Variants in TPGS2 observed in about 807,000 individuals in gnomAD.
TPGS2 encodes polyglutamylase subunit 2.
In TPGS2, 26 loss-of-function variants were observed where a neutral mutation model predicts 31.1. The ratio of observed to expected loss-of-function variants is 0.84; its 90% CI spans 0.61 to 1.16. The LOEUF (loss-of-function observed/expected upper bound fraction) is 1.16, where lower values mean the gene tolerates loss of function less well. Ranked by LOEUF, TPGS2 falls within the 50% of genes most tolerant of loss-of-function variation. TPGS2 has a pLI of 0.00. For synonymous variants in TPGS2, 130 were observed against 136.6 expected (o/e 0.95, Z 0.34); for missense variants, 351 against 363.8 (o/e 0.96, Z 0.29).
intron 2 of TPGS2, chr18:36,818,538 T>C (rs1020870762): frequency 5.8e-6 from 1 of 171,822 alleles, no homozygotes; most frequent in Admixed American, 6.1e-5. Flanking sequence ...AAGCATTAGC[T>C]TTTAATCTGC....
At chr18:36,798,153 T>A (rs1269767169) in intron 6 of TPGS2, 1 of 1,188,986 alleles carries the variant, frequency 8.4e-7, no homozygotes, top group South Asian at 2.6e-5. Flanking sequence ...CCTGGGTGCA[T>A]GTACTGCCAA....
chr18:36,828,664 C>T lies in TPGS2; in HGVS notation c.85+19G>A, dbSNP rs754901687. The T allele has an allele frequency of 1.2e-6, 2 of 1,613,834 alleles. No homozygotes were observed. Among genetic ancestry groups the T allele is most frequent in the Non-Finnish European group, 1.7e-6 (2 of 1,179,756 alleles). ...CCTTCTCCTCCACACCCTCTCGGCACCGTGCCCCCTTTCCTCACCTAGGAT... is the reference window on the plus strand; with the variant it reads ...CCTTCTCCTCCACACCCTCTCGGCATCGTGCCCCCTTTCCTCACCTAGGAT... On this transcript the variant is annotated intron_variant, in intron 1 of 6. Coordinates refer to ENST00000334295, the MANE Select transcript of TPGS2 (RefSeq NM_015476.4).
chr18:36,821,566 G>C (rs1160558775), intron 1 of TPGS2, among the ~76,000 whole-genome samples: 1 of 152,240 alleles, frequency 6.6e-6, no homozygotes, highest in Non-Finnish European at 1.5e-5. Context: ...TAATGCTAGA[G>C]ATTAGGAATT....
chr18:36,783,233 A>G, intron 6 of TPGS2: 1 of 388,804 alleles, frequency 2.6e-6, no homozygotes, highest in Non-Finnish European at 4.5e-6. Context: ...TCTTGATGCC[A>G]CTCATTCTGA....
intron 1 of TPGS2, 104 bp downstream of exon 1, chr18:36,828,579 T>A: frequency 7.7e-7 from 1 of 1,290,754 alleles, no homozygotes; most frequent in African/African-American, 1.5e-5. Context: ...CGATGTCCAC[T>A]CCTGTTCTGG....
rs536890554 is a variant in TPGS2, at chr18:36,810,192, G to A, written c.166-2258C>T. 5.3e-5 allele frequency among the ~76,000 whole-genome samples: 8 copies of A among 152,308 alleles called. No individual in the cohort carries two copies. In the East Asian group the frequency reaches 1.5e-3, roughly 29 times the overall value. On this transcript the variant is annotated intron_variant, in intron 2 of 6. Transcript: ENST00000334295. ...CACCCCTGGGGCAGTTGCTGGGCCT[G>A]CAGTTCTCCAGCCTTCCTACTGCAT... is the stretch of plus-strand genomic sequence containing the variant.
Position 36,794,549 on chromosome 18 carries a change from A to T in TPGS2, c.*2256T>A, listed in dbSNP as rs1468460297. 1 of 985,222 alleles carries T rather than the reference A, an allele frequency of 1.0e-6. No individual in the cohort carries two copies. The highest frequency in any genetic ancestry group is 1.2e-6 in the Non-Finnish European group (1 of 829,924). The allele number at this position is 985,222 out of a possible 1,614,324, so 61.0% of individuals were successfully genotyped here. Reference sequence around the variant, plus strand: ...ATCTGCTGCAGTGGAAGATGACATAACTTCTCAACTCCCTTCTAACCTCGC... The same window carrying T: ...ATCTGCTGCAGTGGAAGATGACATATCTTCTCAACTCCCTTCTAACCTCGC... On this transcript the variant is annotated 3_prime_UTR_variant, in exon 7 of 7. Coordinates refer to ENST00000334295, the MANE Select transcript of TPGS2 (RefSeq NM_015476.4).
intron 5 of TPGS2, 151 bp downstream of exon 5, chr18:36,800,047 A>C: frequency 1.5e-6 from 1 of 656,474 alleles, no homozygotes; most frequent in African/African-American, 1.8e-5. Context: ...CTCAGAGAGA[A>C]CCAAAGGGGT....
chr18:36,787,464 A>G (rs2150525443), intron 6 of TPGS2, among the ~76,000 whole-genome samples: 1 of 152,372 alleles, frequency 6.6e-6, no homozygotes, highest in African/African-American at 2.4e-5. Flanking sequence ...GCTAGGAAAT[A>G]AAGTTGCTTT....
chr18:36,821,946 C>G (rs1419439607), intron 1 of TPGS2, among the ~76,000 whole-genome samples: 1 of 152,200 alleles, frequency 6.6e-6, no homozygotes, highest in Non-Finnish European at 1.5e-5. Context: ...GGGATGCCTG[C>G]ATGGAAACAT....
intron 2 of TPGS2, chr18:36,817,643 GT>G: frequency 6.6e-6 from 1 of 152,132 alleles, no homozygotes; most frequent in East Asian, 1.9e-4. Context: ...TTGCCATGTT[GT>G]CCAGGCTTGT....
At chr18:36,784,882 G>C (rs977718330) in intron 6 of TPGS2, among the ~76,000 whole-genome samples, 4 of 152,044 alleles carry the variant, frequency 2.6e-5, no homozygotes, top group Admixed American at 2.6e-4. Context: ...CTATGCTTTG[G>C]GGCACAAAAT....
chr18:36,798,709 C>CAACA, intron 5 of TPGS2, 100 bp from the exon 6 acceptor site: 1 of 1,484,764 alleles, frequency 6.7e-7, no homozygotes. Flanking sequence ...AAAAAAATCC[C>CAACA]AACAGAGAGA....
intron 1 of TPGS2, among the ~76,000 whole-genome samples, chr18:36,825,685 A>G (rs2046105629): frequency 6.6e-6 from 1 of 152,212 alleles, no homozygotes; most frequent in South Asian, 2.1e-4. Context: ...GAACTTTTCC[A>G]TCATCTCAAA....
At chr18:36,782,862 G>C (rs940415046), downstream of TPGS2, 6 of 380,326 alleles carry the variant, frequency 1.6e-5, no homozygotes, top group Non-Finnish European at 2.8e-5. Flanking sequence ...CCAGTAACAT[G>C]GGAGGAACAT....
rs1215976064 is a variant in TPGS2, at chr18:36,795,998, A to G, written c.*807T>C. 6.1e-6 allele frequency: 6 copies of G among 985,218 alleles called. 1 individual carries two copies. In the South Asian group the frequency reaches 1.4e-4, roughly 23 times the overall value. 61.0% of individuals were successfully genotyped at this position (985,218 alleles called of 1,614,324 possible). On this transcript the variant is annotated 3_prime_UTR_variant, in exon 7 of 7. Transcript: ENST00000334295. ...GAAGTACACCTTCTTTAAAAAGTTA[A>G]TAAGGAAGATAATTGTGGAACGTGT... is the stretch of plus-strand genomic sequence containing the variant.
intron 1 of TPGS2, chr18:36,823,995 T>A (rs889555948): frequency 4.3e-5 from 20 of 464,632 alleles, no homozygotes; most frequent in Middle Eastern, 1.1e-3. Flanking sequence ...GAGTTATGCA[T>A]CCTTTCCCCC....
intron 2 of TPGS2, among the ~76,000 whole-genome samples, chr18:36,812,242 T>C (rs1167434683): frequency 6.6e-6 from 1 of 152,170 alleles, no homozygotes; most frequent in Non-Finnish European, 1.5e-5. Flanking sequence ...TCTTTTTGTG[T>C]GCTAAAGAGT....
At chr18:36,780,142 T>C, downstream of TPGS2, 2 of 1,232,120 alleles carry the variant, frequency 1.6e-6, no homozygotes, top group Non-Finnish European at 2.0e-6. Context: ...CTCTTCTCAG[T>C]GTCCTCAGAA....
Sources: allele counts gnomAD v4.1 joint callset (sites outside exome capture counted in the v4.1 genomes callset), GRCh38; gene constraint gnomAD v4.1.1; transcripts MANE v1.5; gene names NCBI Gene and HGNC (gene_info 2026-07-23, HGNC 2026-07-21).